Variants in POU2F2 observed in about 807,000 individuals in gnomAD.
POU2F2 encodes POU class 2 homeobox 2, also known as POU domain, class 2, transcription factor 2.
POU2F2 carries 14 observed loss-of-function variants against 63.5 expected under a neutral mutation model. That is an observed-to-expected ratio of 0.22 (90% CI 0.15 to 0.34). The LOEUF (loss-of-function observed/expected upper bound fraction) is 0.34. Ranked by LOEUF, POU2F2 falls within the 10% of genes least tolerant of loss-of-function variation. The pLI, the probability that POU2F2 is intolerant of heterozygous loss-of-function variation, is 1.00. For synonymous variants in POU2F2, 306 were observed against 348.6 expected, an observed-to-expected ratio of 0.88 and a Z score of 1.36; for missense variants, 607 against 815.2, an observed-to-expected ratio of 0.74 and a Z score of 3.11.
intron 4 of POU2F2, among the ~76,000 whole-genome samples, chr19:42,118,967 A>G (rs2032259733): frequency 6.6e-6 from 1 of 152,150 alleles, no homozygotes; most frequent in Non-Finnish European, 1.5e-5. Flanking sequence ...CATGTCCCAA[A>G]TTATGGAATA....
intron 2 of POU2F2, among the ~76,000 whole-genome samples, chr19:42,150,688 G>A (rs1055845253): frequency 1.3e-4 from 20 of 151,044 alleles, no homozygotes; most frequent in African/African-American, 2.9e-4. Flanking sequence ...TGCAGCCACC[G>A]CTTAGTTCTT....
At chr19:42,100,335 C>T (rs2077089346) in intron 5 of POU2F2, among the ~76,000 whole-genome samples, 1 of 151,852 alleles carries the variant, frequency 6.6e-6, no homozygotes, top group Non-Finnish European at 1.5e-5. Flanking sequence ...GTGATCTGTC[C>T]GCCTTGGCCT....
chr19:42,120,865 AT>A (rs780092380), intron 4 of POU2F2, among the ~76,000 whole-genome samples: 2 of 152,216 alleles, frequency 1.3e-5, no homozygotes, highest in Non-Finnish European at 2.9e-5. Context: ...AATTAACAAA[AT>A]TATTATGTAA....
intron 2 of POU2F2, among the ~76,000 whole-genome samples, chr19:42,148,686 C>T (rs1265993336): frequency 6.6e-6 from 1 of 152,110 alleles, no homozygotes; most frequent in African/African-American, 2.4e-5. Flanking sequence ...TGTCTGAATC[C>T]CTCTGCTCCT....
chr19:42,120,938 T>C (rs2146611028), intron 4 of POU2F2, among the ~76,000 whole-genome samples: 1 of 152,280 alleles, frequency 6.6e-6, no homozygotes, highest in Admixed American at 6.5e-5. Context: ...TCACTTCAGT[T>C]AGGGAAAGAC....
intron 5 of POU2F2, among the ~76,000 whole-genome samples, chr19:42,106,199 G>A (rs914597938): frequency 8.6e-5 from 13 of 151,754 alleles, no homozygotes; most frequent in East Asian, 3.9e-4. Flanking sequence ...TCTGCCTCCC[G>A]GGTTCAAGCA....
At chr19:42,108,007 G>A (rs1202316323) in intron 5 of POU2F2, among the ~76,000 whole-genome samples, 1 of 152,174 alleles carries the variant, frequency 6.6e-6, no homozygotes, top group Non-Finnish European at 1.5e-5. Context: ...CTACACAGAG[G>A]TGGTCCCTCC....
intron 5 of POU2F2, among the ~76,000 whole-genome samples, chr19:42,105,676 T>G (rs1165426515): frequency 6.6e-6 from 1 of 152,168 alleles, no homozygotes; most frequent in Non-Finnish European, 1.5e-5. Flanking sequence ...CACATCCCTG[T>G]CTAGTTTCTC....
intron 1 of POU2F2, among the ~76,000 whole-genome samples, chr19:42,167,752 G>T (rs2034682298): frequency 6.6e-6 from 1 of 152,170 alleles, no homozygotes; most frequent in East Asian, 1.9e-4. Flanking sequence ...GCAGGTGAGG[G>T]TTGGTCTCAC....
intron 2 of POU2F2, among the ~76,000 whole-genome samples, chr19:42,141,045 T>C (rs2034116593): frequency 6.6e-6 from 1 of 152,218 alleles, no homozygotes; most frequent in Non-Finnish European, 1.5e-5. Flanking sequence ...TCTGCTCAAA[T>C]ATCCTCTCTC....
chr19:42,154,468 C>T (rs1261073277), intron 2 of POU2F2, among the ~76,000 whole-genome samples: 3 of 151,856 alleles, frequency 2.0e-5, no homozygotes, highest in East Asian at 3.9e-4. Context: ...ACTGGAGAGA[C>T]GGAGAGAGAA....
chr19:42,124,712 C>A (rs1010703983), intron 1 of POU2F2, among the ~76,000 whole-genome samples: 4 of 152,184 alleles, frequency 2.6e-5, no homozygotes, highest in African/African-American at 9.7e-5. Flanking sequence ...TATGTCCATA[C>A]AATGAAATAT....
At chr19:42,102,381 T>C (rs1371713725) in intron 5 of POU2F2, among the ~76,000 whole-genome samples, 2 of 152,194 alleles carry the variant, frequency 1.3e-5, no homozygotes, top group African/African-American at 4.8e-5. Context: ...TAGATCTGGG[T>C]ACCAGTTCCA....
At chr19:42,120,131 G>T (rs1382918263) in intron 4 of POU2F2, among the ~76,000 whole-genome samples, 1 of 151,266 alleles carries the variant, frequency 6.6e-6, no homozygotes, top group East Asian at 2.0e-4. Context: ...GGCTGGTCTT[G>T]AACTCCCGGG....
intron 2 of POU2F2, among the ~76,000 whole-genome samples, chr19:42,144,505 C>T (rs1207583904): frequency 6.6e-6 from 1 of 152,226 alleles, no homozygotes; most frequent in Non-Finnish European, 1.5e-5. Flanking sequence ...TCCACATCTT[C>T]AGGGAGGGCC....
At chr19:42,179,969 A>G (rs1346533954), upstream of POU2F2, among the ~76,000 whole-genome samples, 2 of 152,156 alleles carry the variant, frequency 1.3e-5, no homozygotes, top group African/African-American at 4.8e-5. Flanking sequence ...CATAATGGAC[A>G]TGGGACCACT....
intron 2 of POU2F2, among the ~76,000 whole-genome samples, chr19:42,140,386 C>T (rs1401593381): frequency 2.0e-5 from 3 of 152,246 alleles, no homozygotes; most frequent in African/African-American, 7.2e-5. Context: ...CAGAGCCCTC[C>T]AGTCCTGCTG....
intron 5 of POU2F2, among the ~76,000 whole-genome samples, chr19:42,100,192 C>T (rs1275188214): frequency 9.8e-5 from 14 of 142,648 alleles, no homozygotes; most frequent in South Asian, 2.4e-4. Context: ...CCTGGGTTCA[C>T]GCCATTCTCC....
At chr19:42,122,295 C>T (rs1415703462) in intron 3 of POU2F2, 49 bp downstream of exon 3, 3 of 1,571,862 alleles carry the variant, frequency 1.9e-6, no homozygotes, top group Non-Finnish European at 2.6e-6. Flanking sequence ...CTCTGAACCC[C>T]TCTCCCCATT....
Sources: gnomAD v4.1 joint callset for allele counts (sites outside exome capture counted in the v4.1 genomes callset) on GRCh38, gnomAD v4.1.1 for gene constraint, MANE v1.5 for transcripts, NCBI Gene and HGNC (gene_info 2026-07-23, HGNC 2026-07-21) for gene names.